GRM7: variants seen among roughly 807,000 people sequenced by gnomAD.
GRM7 encodes metabotropic glutamate receptor 7.
In GRM7, 35 loss-of-function variants were observed where a neutral mutation model predicts 84.5. The observed-to-expected ratio is 0.41, with a 90% confidence interval of 0.32 to 0.55. The LOEUF is 0.55. Ranked by LOEUF, GRM7 falls within the 20% of genes least tolerant of loss-of-function variation. The pLI is 0.19. For synonymous variants in GRM7, 487 were observed against 455.1 expected (o/e 1.07, Z -0.89); for missense variants, 1,003 against 1,194.6 (o/e 0.84, Z 2.36).
intron 7 of GRM7, among the ~76,000 whole-genome samples, chr3:7,468,336 A>G (rs1698546881): frequency 6.6e-6 from 1 of 152,184 alleles, no homozygotes; most frequent in African/African-American, 2.4e-5. Context: ...TGTAATTTAT[A>G]GTTTTATTGT....
intron 1 of GRM7, among the ~76,000 whole-genome samples, chr3:6,876,758 C>G (rs373924913): frequency 6.6e-6 from 1 of 151,938 alleles, no homozygotes; most frequent in Non-Finnish European, 1.5e-5. Flanking sequence ...CCCGTCACCA[C>G]GCCCAGCTAA....
At chr3:6,921,124 G>C (rs958418991) in intron 1 of GRM7, among the ~76,000 whole-genome samples, 2 of 152,310 alleles carry the variant, frequency 1.3e-5, no homozygotes, top group African/African-American at 2.4e-5. Flanking sequence ...AGTCCATGCT[G>C]CATCCCCACT....
intron 2 of GRM7, among the ~76,000 whole-genome samples, chr3:7,264,138 A>T (rs1430989409): frequency 1.3e-5 from 2 of 152,118 alleles, no homozygotes; most frequent in East Asian, 3.9e-4. Context: ...AAGCAAGTGC[A>T]GCCAGGCTGG....
chr3:7,162,438 T>C (rs551392448), intron 2 of GRM7, among the ~76,000 whole-genome samples: 106 of 151,942 alleles, frequency 7.0e-4, no homozygotes, highest in African/African-American at 2.4e-3. Context: ...GAAGATGAAA[T>C]GAAGGTCCAG....
At chr3:7,166,214 C>G (rs913032242) in intron 2 of GRM7, among the ~76,000 whole-genome samples, 1 of 150,256 alleles carries the variant, frequency 6.7e-6, no homozygotes, top group African/African-American at 2.5e-5. Context: ...GGAAAATGAG[C>G]TATTTCCAGG....
At chr3:7,485,315 CAGG>C (rs1699280019) in intron 7 of GRM7, among the ~76,000 whole-genome samples, 1 of 152,162 alleles carries the variant, frequency 6.6e-6, no homozygotes, top group South Asian at 2.1e-4. Flanking sequence ...TGCATACACT[CAGG>C]AGAATTAGAG....
At chr3:7,338,477 C>T (rs781566365) in intron 4 of GRM7, among the ~76,000 whole-genome samples, 3 of 151,900 alleles carry the variant, frequency 2.0e-5, no homozygotes, top group Non-Finnish European at 2.9e-5. Flanking sequence ...ACCACCTGTT[C>T]CCCAGAAGCT....
intron 1 of GRM7, among the ~76,000 whole-genome samples, chr3:7,078,817 T>C (rs556087711): frequency 2.8e-4 from 42 of 151,866 alleles, no homozygotes; most frequent in Non-Finnish European, 2.1e-4. Flanking sequence ...TTCTCTCCTA[T>C]TGGCATTTTC....
intron 1 of GRM7, among the ~76,000 whole-genome samples, chr3:6,935,421 T>C (rs1352208163): frequency 6.6e-6 from 1 of 151,648 alleles, no homozygotes; most frequent in African/African-American, 2.4e-5. Flanking sequence ...GCTCAAAGAA[T>C]AATGAAAAAT....
At chr3:6,988,922 G>C (rs143919314) in intron 1 of GRM7, among the ~76,000 whole-genome samples, 1,630 of 152,226 alleles carry the variant, frequency 0.011, 8 homozygotes, top group South Asian at 0.027. Flanking sequence ...TTTGATTTGT[G>C]AGAAATTAAT....
chr3:7,280,772 G>A (rs1263503715), intron 2 of GRM7, among the ~76,000 whole-genome samples: 2 of 152,152 alleles, frequency 1.3e-5, no homozygotes, highest in Admixed American at 6.5e-5. Context: ...AAAATGATAT[G>A]TTTCGAGTTA....
At chr3:7,245,984 T>G (rs564486268) in intron 2 of GRM7, among the ~76,000 whole-genome samples, 1 of 152,204 alleles carries the variant, frequency 6.6e-6, no homozygotes, top group East Asian at 1.9e-4. Context: ...TTCAGAACAT[T>G]AATTAGAGGA....
intron 4 of GRM7, among the ~76,000 whole-genome samples, chr3:7,349,270 C>T (rs1383162217): frequency 6.6e-6 from 1 of 152,104 alleles, no homozygotes; most frequent in African/African-American, 2.4e-5. Context: ...ATTTCTTTCT[C>T]TATTCATTAA....
intron 8 of GRM7, among the ~76,000 whole-genome samples, chr3:7,630,723 C>T (rs898362789): frequency 6.6e-6 from 1 of 152,086 alleles, no homozygotes; most frequent in African/African-American, 2.4e-5. Context: ...TCTCAAAAAC[C>T]GTTAAGCATG....
At chr3:7,713,308 C>CGT (rs1701656722) in intron 9 of GRM7, among the ~76,000 whole-genome samples, 1 of 151,206 alleles carries the variant, frequency 6.6e-6, no homozygotes, top group Non-Finnish European at 1.5e-5. Context: ...GGCTAATTTT[C>CGT]ATATTTTTAG....
intron 5 of GRM7, among the ~76,000 whole-genome samples, chr3:7,446,459 T>G (rs1045035404): frequency 3.3e-4 from 39 of 119,632 alleles, no homozygotes; most frequent in Admixed American, 1.6e-4. Context: ...TGTTTTTTTT[T>G]TTTTGTTTTT....
At chr3:7,336,086 C>A (rs1420442498) in intron 4 of GRM7, among the ~76,000 whole-genome samples, 1 of 141,330 alleles carries the variant, frequency 7.1e-6, no homozygotes, top group Non-Finnish European at 1.6e-5. Context: ...CAGGAAAGAA[C>A]GTAACAAAAA....
At chr3:7,081,883 G>A (rs1489358353) in intron 1 of GRM7, among the ~76,000 whole-genome samples, 1 of 152,024 alleles carries the variant, frequency 6.6e-6, no homozygotes, top group Non-Finnish European at 1.5e-5. Flanking sequence ...GTTCCTAATT[G>A]TCTTCAATTC....
In GRM7 at chr3:7,741,381, T is replaced by G. The variant is rs1702692330; in HGVS notation, c.*975T>G. The G allele has an allele frequency of 6.6e-6, 1 of 152,590 alleles. No homozygotes were observed. Among genetic ancestry groups the G allele is most frequent in the African/African-American group, 2.4e-5 (1 of 41,444 alleles). 9.5% of individuals were successfully genotyped at this position (152,590 alleles called of 1,614,324 possible). On this transcript the variant is annotated 3_prime_UTR_variant, in exon 10 of 10. Coordinates refer to ENST00000357716, the MANE Select transcript of GRM7 (RefSeq NM_000844.4). ...AAAAAAGCATGTATGTTTTTTACTG[T>G]TTGTAATAAGTACTTTCGTTAATCT...
Sources: allele counts gnomAD v4.1 joint callset (sites outside exome capture counted in the v4.1 genomes callset), GRCh38; gene constraint gnomAD v4.1.1; transcripts MANE v1.5; gene names NCBI Gene and HGNC (gene_info 2026-07-23, HGNC 2026-07-21).